PCDHA11: variants seen among roughly 807,000 people sequenced by gnomAD.
PCDHA11 encodes the protein protocadherin alpha-11.
In PCDHA11, 61 loss-of-function variants were observed where a neutral mutation model predicts 70.3. That is an observed-to-expected ratio of 0.87 (90% CI 0.71 to 1.07). The LOEUF is 1.07. PCDHA11 is among the 50% of genes least tolerant of loss of function. The pLI is 0.00. For missense variants in PCDHA11, 1,324 were observed against 1,237.5 expected (o/e 1.07, Z -1.05); for synonymous variants, 633 against 555.1 (o/e 1.14, Z -1.97).
intron 1 of PCDHA11, chr5:140,967,158 T>G (rs1586192830): frequency 6.2e-7 from 1 of 1,610,448 alleles, no homozygotes. Context: ...CCCGTGGCGG[T>G]GAGCGCCGTT....
chr5:140,946,631 T>TACAC (rs374022482), intron 1 of PCDHA11, among the ~76,000 whole-genome samples: 1 of 131,846 alleles, frequency 7.6e-6, no homozygotes, highest in Non-Finnish European at 1.5e-5. Flanking sequence ...TATATATATA[T>TACAC]ACAATGGAAT....
intron 1 of PCDHA11, chr5:140,877,179 G>T (rs1554169418): frequency 1.2e-6 from 2 of 1,613,830 alleles, no homozygotes. Flanking sequence ...TGGCGACTCC[G>T]GCTGGCAGCG....
At chr5:140,999,345 C>A (rs2097854633) in intron 3 of PCDHA11, among the ~76,000 whole-genome samples, 1 of 152,178 alleles carries the variant, frequency 6.6e-6, no homozygotes, top group Non-Finnish European at 1.5e-5. Flanking sequence ...TAAGCCTTGT[C>A]TCTTTTTAAT....
At chr5:140,875,508 G>A (rs1007736035) in intron 1 of PCDHA11, 19 of 1,613,588 alleles carry the variant, frequency 1.2e-5, no homozygotes, top group Non-Finnish European at 1.6e-5. Flanking sequence ...CGGGATCCCA[G>A]CGTCTGCTGC....
At chr5:141,006,058 G>T (rs1002161598) in intron 3 of PCDHA11, among the ~76,000 whole-genome samples, 2 of 149,786 alleles carry the variant, frequency 1.3e-5, no homozygotes, top group Non-Finnish European at 3.0e-5. Flanking sequence ...GAGTGGAGAA[G>T]AAATAAAAAT....
intron 1 of PCDHA11, among the ~76,000 whole-genome samples, chr5:140,961,681 G>A (rs911141843): frequency 3.9e-5 from 6 of 152,152 alleles, no homozygotes; most frequent in African/African-American, 9.7e-5. Context: ...TAATTAAGCC[G>A]GAGTAGTCCT....
chr5:140,886,996 T>C (rs1554182808), intron 1 of PCDHA11, among the ~76,000 whole-genome samples: 1 of 152,182 alleles, frequency 6.6e-6, no homozygotes, highest in African/African-American at 2.4e-5. Flanking sequence ...AATTTCCAGT[T>C]GGTATCACTT....
Position 140,870,781 on chromosome 5 carries a change from A to T in PCDHA11, c.1678A>T (p.Asn560Tyr). Residue 560 changes from asparagine to tyrosine, a missense_variant, in exon 1 of 4, where the codon AAC becomes TAC. Physicochemically the swap from Asn to Tyr is moderately radical, Grantham distance 143. Transcript: ENST00000398640. ...LQVFVLDENDNAPALLATQAG... is the reference protein window; with the variant it reads ...LQVFVLDENDYAPALLATQAG... ...GGTGTTCGTGCTGGACGAGAACGAC[A>T]ACGCGCCGGCACTGCTGGCGACTCA... The T allele has an allele frequency of 2.5e-6, 4 of 1,613,654 alleles. No homozygotes were observed. Among genetic ancestry groups the T allele is most frequent in the Non-Finnish European group, 3.4e-6 (4 of 1,179,896 alleles).
At chr5:140,904,754 C>G (rs2071365435) in intron 1 of PCDHA11, among the ~76,000 whole-genome samples, 1 of 152,068 alleles carries the variant, frequency 6.6e-6, no homozygotes, top group South Asian at 2.1e-4. Context: ...ACCATTTTTG[C>G]AAGAATAAGA....
At chr5:140,941,224 T>TTTCTTTC in intron 1 of PCDHA11, among the ~76,000 whole-genome samples, 1 of 137,372 alleles carries the variant, frequency 7.3e-6, no homozygotes, top group Non-Finnish European at 1.6e-5. Flanking sequence ...CCTTTCTTTC[T>TTTCTTTC]TTCTTTCTTT....
At chr5:140,955,407 C>T (rs1453424058) in intron 1 of PCDHA11, among the ~76,000 whole-genome samples, 1 of 152,098 alleles carries the variant, frequency 6.6e-6, no homozygotes, top group African/African-American at 2.4e-5. Flanking sequence ...ATACAGTTCT[C>T]ATGATAGTGA....
intron 1 of PCDHA11, among the ~76,000 whole-genome samples, chr5:140,974,327 G>A (rs2096622889): frequency 6.6e-6 from 1 of 152,194 alleles, no homozygotes; most frequent in African/African-American, 2.4e-5. Context: ...TAGCTGCTGT[G>A]CTAGCAGGCT....
intron 1 of PCDHA11, among the ~76,000 whole-genome samples, chr5:140,890,741 A>G (rs1346321522): frequency 2.0e-5 from 3 of 152,132 alleles, no homozygotes; most frequent in African/African-American, 7.2e-5. Flanking sequence ...CTTATATACT[A>G]TTTCTGTCAT....
intron 3 of PCDHA11, among the ~76,000 whole-genome samples, chr5:140,991,228 TGCAGTGGTAAAG>T (rs1452293099): frequency 1.1e-4 from 16 of 152,220 alleles, no homozygotes; most frequent in Non-Finnish European, 2.4e-4. Flanking sequence ...CATTAATAAA[TGCAGTGGTAAAG>T]GCAGTATTTG....
chr5:140,957,257 T>C (rs2095345219), intron 1 of PCDHA11, among the ~76,000 whole-genome samples: 1 of 152,184 alleles, frequency 6.6e-6, no homozygotes, highest in Admixed American at 6.5e-5. Context: ...AATTTAAATA[T>C]GTAAGCACTA....
chr5:140,882,423 T>C (rs1554174072), intron 1 of PCDHA11: 2 of 1,614,052 alleles, frequency 1.2e-6, no homozygotes, highest in African/African-American at 2.7e-5. Context: ...GCTCAGGACC[T>C]GGGGCTGGAG....
At chr5:140,967,315 G>A (rs1554229427) in intron 1 of PCDHA11, 1 of 1,610,854 alleles carries the variant, frequency 6.2e-7, no homozygotes, top group African/African-American at 1.3e-5. Context: ...ACTCAGTACA[G>A]ACCTACGAGC....
intron 1 of PCDHA11, among the ~76,000 whole-genome samples, chr5:140,945,587 C>A (rs2093812111): frequency 6.6e-6 from 1 of 152,052 alleles, no homozygotes; most frequent in African/African-American, 2.4e-5. Context: ...TCAAAATATA[C>A]TTCAAAGCTA....
intron 1 of PCDHA11, among the ~76,000 whole-genome samples, chr5:140,972,738 A>G (rs918730708): frequency 1.4e-5 from 2 of 142,600 alleles, no homozygotes; most frequent in Non-Finnish European, 3.0e-5. Context: ...ATCCCGGCTC[A>G]CTGCAACCTC....
Sources: gnomAD v4.1 joint callset for allele counts (sites outside exome capture counted in the v4.1 genomes callset) on GRCh38, gnomAD v4.1.1 for gene constraint, MANE v1.5 for transcripts, NCBI Gene and HGNC (gene_info 2026-07-23, HGNC 2026-07-21) for gene names.